FLG: variants seen among roughly 807,000 people sequenced by gnomAD.
FLG encodes filaggrin.
Under a neutral mutation model 3.8 loss-of-function variants are expected in FLG, and 6 were observed. That is an observed-to-expected ratio of 1.60 (90% CI 0.87 to 3.15). The LOEUF (loss-of-function observed/expected upper bound fraction) is 3.15. FLG is among the 30% of genes most tolerant of loss of function. The pLI is 0.00. For synonymous variants in FLG, 2,551 were observed against 1,931.6 expected, an observed-to-expected ratio of 1.32 and a Z score of -8.41; for missense variants, 7,595 against 5,050.9, an observed-to-expected ratio of 1.50 and a Z score of -15.27.
Position 152,309,638 on chromosome 1 carries a change from A to G in FLG, c.5248T>C (p.Ser1750Pro). Residue 1750 changes from serine to proline, a missense_variant, in exon 3 of 3, where the codon TCC (serine) becomes CCC (proline). Ser to Pro is a moderately conservative substitution (Grantham distance 74). Transcript: ENST00000368799. ...AGPHQQSHQESTRGQSGERSG... is the reference protein window; with the variant it reads ...AGPHQQSHQEPTRGQSGERSG... The stretch of plus-strand genomic sequence containing the variant: ...CTTTCCCCTGACTGGCCACGTGTGG[A>G]CTCTTGGTGGCTCTGCTGATGGGGC... 4 of 1,611,480 alleles carry G rather than the reference A, an allele frequency of 2.5e-6. No homozygotes were observed. The highest frequency in any genetic ancestry group is 3.4e-6 in the Non-Finnish European group (4 of 1,179,248).
In FLG at chr1:152,312,546, A is replaced by G. The variant is rs1419005642; in HGVS notation, c.2340T>C (p.Arg780=). Residue 780 remains arginine, a synonymous_variant, in exon 3 of 3, where the codon CGT becomes CGC. Coordinates refer to ENST00000368799, the MANE Select transcript of FLG (RefSeq NM_002016.2). ...HHQQSHQESA[R]DRSGERSRRS... ...GTCGAGACCTTTCCCCTGACCGGTC[A>G]CGTGCGGACTCTTGGTGGCTCTGCT... The G allele has an allele frequency of 3.7e-6, 6 of 1,613,136 alleles. No individual in the cohort carries two copies. Among genetic ancestry groups the G allele is most frequent in the Non-Finnish European group, 5.1e-6 (6 of 1,179,804 alleles).
At position 152,312,716 on chromosome 1, in the gene FLG, C is replaced by G. The variant is rs559079262; in HGVS notation, c.2170G>C (p.Gly724Arg). The G allele has an allele frequency of 6.2e-7, 1 of 1,613,934 alleles. No homozygotes were observed. The highest frequency in any genetic ancestry group is 8.5e-7 in the Non-Finnish European group (1 of 1,180,030). Residue 724 changes from glycine to arginine, a missense_variant, in exon 3 of 3, where the codon GGC (glycine) becomes CGC (arginine). By Grantham distance (125) the Gly-to-Arg change is moderately radical (BLOSUM62 -2). Coordinates refer to ENST00000368799, the MANE Select transcript of FLG (RefSeq NM_002016.2). ...LQSADSSRHS[G>R]TGHGQASSAV... ...GATGAAGCTTGTCCGTGCCCAGTGC[C>G]TGAGTGTCTGGAGCTGTCTGCTGAC...
In FLG at chr1:152,310,381, C is replaced by T; in HGVS notation, c.4505G>A (p.Gly1502Glu). The change falls in exon 3 of 3, where the codon GGA (glycine) becomes GAA (glutamate). Residue 1502 changes from glycine (G) to glutamate (E), a missense_variant. Gly to Glu is a moderately conservative substitution (Grantham distance 98). Coordinates refer to ENST00000368799, the MANE Select transcript of FLG (RefSeq NM_002016.2). ...ATCTACTGATTGCTCGTGGTAGGAT[C>T]CCTGCCTTCCTCCTCTGCTTGACCC... ...HPGSSRGGRQGSYHEQSVDRS... is the reference protein window; with the variant it reads ...HPGSSRGGRQESYHEQSVDRS... 6.2e-7 allele frequency: 1 copy of T among 1,613,776 alleles called. No individual in the cohort carries two copies. The highest frequency in any genetic ancestry group is 8.5e-7 in the Non-Finnish European group (1 of 1,179,980).
chr1:152,311,151 G>GT lies in FLG; in HGVS notation c.3734dup (p.Asp1245GlufsTer4), dbSNP rs1316013989. On this transcript the variant is annotated frameshift_variant, in exon 3 of 3. Transcript: ENST00000368799. LOFTEE classifies it low-confidence loss of function (END_TRUNC). ...GTCCCACCTGTGAGTGTCTAGAGCT[G>GT]TCAGCCCAAGAGGCAGCTTCATGGT... is the stretch of plus-strand genomic sequence containing the variant. The GT allele has an allele frequency of 6.2e-7, 1 of 1,613,772 alleles. No homozygotes were observed. The highest frequency in any genetic ancestry group is 1.3e-5 in the African/African-American group (1 of 74,906).
Position 152,307,663 on chromosome 1 carries a change from G to C in FLG, c.7223C>G (p.Ser2408Cys). 1 of 1,613,488 alleles carries C rather than the reference G, an allele frequency of 6.2e-7. No homozygotes were observed. The highest frequency in any genetic ancestry group is 8.5e-7 in the Non-Finnish European group (1 of 1,179,884). The change falls in exon 3 of 3, where the codon TCT (serine) becomes TGT (cysteine). Residue 2408 changes from serine to cysteine, a missense_variant. Coordinates refer to ENST00000368799, the MANE Select transcript of FLG (RefSeq NM_002016.2). ...GTAGAGGAAAGACCCTGAACGTCCA[G>C]ACCTTCCTGCTGACCGGCCACGTGT... ...ESTRGRSAGR[S>C]GRSGSFLYQV...
rs763044208 is a variant in FLG, at chr1:152,313,184, T to G, written c.1702A>C (p.Ser568Arg). The change falls in exon 3 of 3, where the codon AGC becomes CGC. Residue 568 changes from serine (S) to arginine (R), a missense_variant. Transcript: ENST00000368799. The stretch of plus-strand genomic sequence containing the variant: ...TGTTCCTCATTTCGTGTTTGTCTGC[T>G]TGCACTTCTGGATCCTGACTGCCCA... Reference protein sequence around the residue: ...SHGQSGSRSASRQTRNEEQSG... With the variant: ...SHGQSGSRSARRQTRNEEQSG... 1 of 1,613,734 alleles carries G rather than the reference T, an allele frequency of 6.2e-7. No homozygotes were observed. Among genetic ancestry groups the G allele is most frequent in the Non-Finnish European group, 8.5e-7 (1 of 1,179,996 alleles).
At position 152,323,234 on chromosome 1, in the gene FLG, C is replaced by T. The variant is rs11590590; in HGVS notation, c.-22+1955G>A. 5.1e-3 allele frequency among the ~76,000 whole-genome samples: 775 copies of T among 151,532 alleles called. 3 individuals are homozygous for T. Among genetic ancestry groups the T allele is most frequent in the Non-Finnish European group, 8.1e-3 (550 of 67,608 alleles). On this transcript the variant is annotated intron_variant, in intron 1 of 2. Coordinates refer to ENST00000368799, the MANE Select transcript of FLG (RefSeq NM_002016.2). ...ACATTGGAGAATATCTTCAGGACCT[C>T]GGGGTGGGGAAATACTTAAATAAAA...
rs1652581516 is a variant in FLG at position 152,313,125 on chromosome 1, A to T, written c.1761T>A (p.Arg587=). ...CAGCCTGAGAGGAAGCTTCATGATGACGTGACCCTGAGTGCCTGGTGCCGT... is the reference window on the plus strand; with the variant it reads ...CAGCCTGAGAGGAAGCTTCATGATGTCGTGACCCTGAGTGCCTGGTGCCGT... The part of the protein sequence containing the change: ...SGDGTRHSGS[R]HHEASSQADS... Residue 587 remains arginine, a synonymous_variant, in exon 3 of 3, where the codon CGT becomes CGA. Transcript: ENST00000368799. The T allele has an allele frequency of 6.2e-7, 1 of 1,613,496 alleles. No homozygotes were observed. Among genetic ancestry groups the T allele is most frequent in the Non-Finnish European group, 8.5e-7 (1 of 1,179,940 alleles).
rs1187429623 is a variant in FLG at position 152,310,609 on chromosome 1, G to A, written c.4277C>T (p.Ser1426Phe). 6.2e-6 allele frequency: 10 copies of A among 1,614,010 alleles called. No homozygotes were observed. The South Asian group carries it at 1.1e-4, about 18-fold the overall frequency. ...GCTTTCCCCTGACTGGCCACGTGCG[G>A]ACTCTTTGTGGCTCTGCTGATGGGG... Reference protein sequence around the residue: ...AGPHQQSHKESARGQSGESSG... With the variant: ...AGPHQQSHKEFARGQSGESSG... The change falls in exon 3 of 3, where the codon TCC becomes TTC. Residue 1426 changes from serine (S) to phenylalanine (F), a missense_variant. Coordinates refer to ENST00000368799, the MANE Select transcript of FLG (RefSeq NM_002016.2).
Position 152,312,359 on chromosome 1 carries a change from C to T in FLG, c.2527G>A (p.Gly843Arg), listed in dbSNP as rs1652506968. Reference protein sequence around the residue: ...ASQDGQDTIRGHPGSSRRGRQ... With the variant: ...ASQDGQDTIRRHPGSSRRGRQ... Reference sequence around the variant, plus strand: ...CCTCTTCTGCTTGACCCCGGGTGTCCACGAATGGTGTCCTGACCATCTTGG... The same window carrying T: ...CCTCTTCTGCTTGACCCCGGGTGTCTACGAATGGTGTCCTGACCATCTTGG... The change falls in exon 3 of 3, where the codon GGA (glycine) becomes AGA (arginine). Residue 843 changes from glycine (G) to arginine (R), a missense_variant. Coordinates refer to ENST00000368799, the MANE Select transcript of FLG (RefSeq NM_002016.2). The T allele has an allele frequency of 6.2e-7, 1 of 1,612,390 alleles. No individual in the cohort carries two copies. Among genetic ancestry groups the T allele is most frequent in the East Asian group, 2.2e-5 (1 of 44,724 alleles).
intron 1 of FLG, among the ~76,000 whole-genome samples, chr1:152,317,221 A>G (rs545616518): frequency 1.6e-4 from 25 of 152,080 alleles, no homozygotes; most frequent in Non-Finnish European, 1.2e-4. Context: ...TGAAATATCT[A>G]TCTAACACTT....
chr1:152,303,669 G>C lies in FLG; in HGVS notation c.11217C>G (p.His3739Gln), dbSNP rs774213318. ...PSTGGRQGSR[H>Q]EQARDSSRHS... The stretch of plus-strand genomic sequence containing the variant: ...GCCTGGAGCTGTCTCGTGCCTGCTC[G>C]TGGCGGGATCCTTGTCTTCCTCCAG... The change falls in exon 3 of 3, where the codon CAC becomes CAG. Residue 3739 changes from histidine to glutamine, a missense_variant. His to Gln is a conservative substitution (Grantham distance 24). Transcript: ENST00000368799. The C allele has an allele frequency of 4.3e-6, 7 of 1,613,820 alleles. No individual in the cohort carries two copies. Among genetic ancestry groups the C allele is most frequent in the Middle Eastern group, 1.6e-4 (1 of 6,084 alleles).
rs1401634394 is a variant in FLG at position 152,314,088 on chromosome 1, T to C, written c.798A>G (p.Lys266=). Residue 266 remains lysine, a synonymous_variant, in exon 3 of 3, where the codon AAA becomes AAG. Transcript: ENST00000368799. ...TTGACCTGTTCACTTGAGATGATGA[T>C]TTGCCATCAGATGACCTTGATCTTT... is the stretch of plus-strand genomic sequence containing the variant. The part of the protein sequence containing the change: ...IYERSRSSDG[K]SSSQVNRSRH... The C allele has an allele frequency of 1.2e-6, 2 of 1,614,212 alleles. No individual in the cohort carries two copies. Among genetic ancestry groups the C allele is most frequent in the East Asian group, 4.5e-5 (2 of 44,880 alleles).
rs367578694 is a variant in FLG at position 152,313,727 on chromosome 1, C to T, written c.1159G>A (p.Gly387Ser). 51 of 1,613,836 alleles carry T rather than the reference C, an allele frequency of 3.2e-5. No individual in the cohort carries two copies. In the East Asian group the frequency reaches 3.8e-4, roughly 12 times the overall value. Residue 387 changes from glycine (G) to serine (S), a missense_variant, in exon 3 of 3, where the codon GGC becomes AGC. Gly to Ser is a moderately conservative substitution (Grantham distance 56). Transcript: ENST00000368799. ...GAGCTGTCTGCTGACTGCTGGTGGC[C>T]GGATCCATGTCTTTCTCCTGGACTT... ...RSSPGERHGS[G>S]HQQSADSSRH...
In FLG at chr1:152,312,215, T is replaced by G. The variant is rs1476265194; in HGVS notation, c.2671A>C (p.Ser891Arg). The part of the protein sequence containing the change: ...DASRGQSGSR[S>R]ASRTTRNEEQ... Reference sequence around the variant, plus strand: ...TCATTACGTGTTGTTCTGCTTGCACTTCTGGATCCTGACTGCCCACGGGAG... The same window carrying G: ...TCATTACGTGTTGTTCTGCTTGCACGTCTGGATCCTGACTGCCCACGGGAG... The change falls in exon 3 of 3, where the codon AGT (serine) becomes CGT (arginine). Residue 891 changes from serine to arginine, a missense_variant. By Grantham distance (110) the Ser-to-Arg change is moderately radical. Transcript: ENST00000368799. The G allele has an allele frequency of 3.7e-6, 6 of 1,613,944 alleles. No homozygotes were observed. In the East Asian group the frequency reaches 8.9e-5, roughly 24 times the overall value.
Position 152,310,663 on chromosome 1 carries a change from T to A in FLG, c.4223A>T (p.Gln1408Leu), listed in dbSNP as rs1224486514. Residue 1408 changes from glutamine (Q) to leucine (L), a missense_variant, in exon 3 of 3, where the codon CAG (glutamine) becomes CTG (leucine). Gln to Leu is a moderately radical substitution (Grantham distance 113, BLOSUM62 -2). Coordinates refer to ENST00000368799, the MANE Select transcript of FLG (RefSeq NM_002016.2). ...SEGHSEDSDT[Q>L]SVSAHGQAGP... ...AGCTTGTCCGTGGGCTGACACTGACTGTGTGTCTGAGTCTTCTGAATGTCC... is the reference window on the plus strand; with the variant it reads ...AGCTTGTCCGTGGGCTGACACTGACAGTGTGTCTGAGTCTTCTGAATGTCC... The A allele has an allele frequency of 1.9e-6, 3 of 1,613,996 alleles. No homozygotes were observed. The South Asian group carries it at 3.3e-5, about 18-fold the overall frequency.
At position 152,312,111 on chromosome 1, in the gene FLG, G is replaced by T. The variant is rs371550625; in HGVS notation, c.2775C>A (p.His925Gln). ...EASSHADISRHSQAGQGQSEG... is the reference protein window; with the variant it reads ...EASSHADISRQSQAGQGQSEG... ...CTGATTGTCCCTGGCCTGCCTGTGA[G>T]TGTCTAGAGATGTCGGCATGAGAGG... Residue 925 changes from histidine to glutamine, a missense_variant, in exon 3 of 3, where the codon CAC (histidine) becomes CAA (glutamine). His to Gln is a conservative substitution (Grantham distance 24). Coordinates refer to ENST00000368799, the MANE Select transcript of FLG (RefSeq NM_002016.2). The T allele has an allele frequency of 6.2e-7, 1 of 1,614,098 alleles. No homozygotes were observed. The highest frequency in any genetic ancestry group is 8.5e-7 in the Non-Finnish European group (1 of 1,180,014).
chr1:152,311,205 T>C lies in FLG; in HGVS notation c.3681A>G (p.Gly1227=). Reference sequence around the variant, plus strand: ...GTGACCCTGAGTGCCTGGAGCCGTCTCCTGATTGTTTGTCCTTACGAGTTT... The same window carrying C: ...GTGACCCTGAGTGCCTGGAGCCGTCCCCTGATTGTTTGTCCTTACGAGTTT... ...SRQTRKDKQS[G]DGSRHSGSRH... is the part of the protein sequence containing the mutation. The change falls in exon 3 of 3, where the codon GGA becomes GGG. Residue 1227 remains glycine, a synonymous_variant. Coordinates refer to ENST00000368799, the MANE Select transcript of FLG (RefSeq NM_002016.2). The C allele has an allele frequency of 6.2e-7, 1 of 1,613,800 alleles. No homozygotes were observed. The highest frequency in any genetic ancestry group is 1.1e-5 in the South Asian group (1 of 91,062).
Position 152,315,480 on chromosome 1 carries a change from A to T in FLG, c.-21-3T>A. The T allele has an allele frequency of 6.2e-7, 1 of 1,602,120 alleles. No homozygotes were observed. Among genetic ancestry groups the T allele is most frequent in the Non-Finnish European group, 8.5e-7 (1 of 1,174,452 alleles). ...ATCTTTTGGCAATAAATGTGAACCT[A>T]GAAAGAAGAAATGAAAATGCACTTT... On this transcript the variant is annotated splice_polypyrimidine_tract_variant and splice_region_variant and intron_variant, in intron 1 of 2. Coordinates refer to ENST00000368799, the MANE Select transcript of FLG (RefSeq NM_002016.2).
Sources: gnomAD v4.1 joint callset for allele counts (sites outside exome capture counted in the v4.1 genomes callset) on GRCh38, gnomAD v4.1.1 for gene constraint, MANE v1.5 for transcripts, NCBI Gene and HGNC (gene_info 2026-07-23, HGNC 2026-07-21) for gene names.